WWOX: variants seen among roughly 807,000 people sequenced by gnomAD.
WWOX encodes the protein WW domain-containing oxidoreductase.
In WWOX, 69 loss-of-function variants were observed where a neutral mutation model predicts 46.2. The ratio of observed to expected loss-of-function variants is 1.49; its 90% CI spans 1.23 to 1.82. WWOX has a LOEUF of 1.82. WWOX is among the 40% of genes most tolerant of loss of function. The pLI is 0.00. For synonymous variants in WWOX, 359 were observed against 202.6 expected, an observed-to-expected ratio of 1.77 and a Z score of -6.56; for missense variants, 919 against 542.6, an observed-to-expected ratio of 1.69 and a Z score of -6.89.
At chr16:78,785,422 G>A (rs902824384) in intron 8 of WWOX, among the ~76,000 whole-genome samples, 4 of 152,194 alleles carry the variant, frequency 2.6e-5, no homozygotes, top group Non-Finnish European at 4.4e-5. Flanking sequence ...CACATCGGCA[G>A]CCAGTGGTGT....
At chr16:79,078,786 C>A (rs545645153) in intron 8 of WWOX, among the ~76,000 whole-genome samples, 2 of 152,180 alleles carry the variant, frequency 1.3e-5, no homozygotes, top group African/African-American at 2.4e-5. Flanking sequence ...CTTCTCTTGG[C>A]CTTTATTTCT....
chr16:78,374,432 C>G (rs2081766740), intron 5 of WWOX, among the ~76,000 whole-genome samples: 2 of 151,198 alleles, frequency 1.3e-5, no homozygotes, highest in African/African-American at 2.4e-5. Flanking sequence ...TTTATTTGGT[C>G]CTGTAGCTAC....
At chr16:78,571,741 G>A (rs539629945) in intron 8 of WWOX, among the ~76,000 whole-genome samples, 5 of 152,234 alleles carry the variant, frequency 3.3e-5, no homozygotes, top group Non-Finnish European at 7.4e-5. Flanking sequence ...GGTGGTATGT[G>A]ACTGCAATCC....
intron 6 of WWOX, among the ~76,000 whole-genome samples, chr16:78,408,725 T>C (rs1166789644): frequency 3.9e-5 from 6 of 152,144 alleles, no homozygotes; most frequent in Admixed American, 6.5e-5. Flanking sequence ...ATACAGCTAA[T>C]TTGCAGATAA....
intron 8 of WWOX, among the ~76,000 whole-genome samples, chr16:78,607,133 A>C (rs2045778674): frequency 6.6e-6 from 1 of 152,180 alleles, no homozygotes; most frequent in Non-Finnish European, 1.5e-5. Context: ...GATTTTATTA[A>C]TTAGTTAAAA....
At chr16:79,185,474 T>G (rs562361812) in intron 8 of WWOX, among the ~76,000 whole-genome samples, 6 of 138,644 alleles carry the variant, frequency 4.3e-5, no homozygotes, top group African/African-American at 1.6e-4. Flanking sequence ...GACATATTAC[T>G]TGTTAGTTAA....
At chr16:78,392,728 T>G (rs2082202448) in intron 6 of WWOX, among the ~76,000 whole-genome samples, 1 of 152,172 alleles carries the variant, frequency 6.6e-6, no homozygotes, top group Non-Finnish European at 1.5e-5. Flanking sequence ...GTGTTTAATG[T>G]TTTCGTAAGA....
intron 8 of WWOX, among the ~76,000 whole-genome samples, chr16:78,769,009 A>G (rs569563969): frequency 3.6e-4 from 55 of 152,212 alleles, no homozygotes; most frequent in African/African-American, 1.3e-3. Context: ...TTCCTTTTTC[A>G]GTCTCTGGTC....
At chr16:78,291,253 C>T (rs1026082187) in intron 5 of WWOX, among the ~76,000 whole-genome samples, 1 of 152,118 alleles carries the variant, frequency 6.6e-6, no homozygotes, top group Non-Finnish European at 1.5e-5. Flanking sequence ...TCATTCTGAT[C>T]TCTCTTTTGA....
rs1363439706 is a variant in WWOX, at chr16:78,729,808, A to C, written c.1056+297056A>C. ...AGGGTCAGAAACAGGATTTGAACCT[A>C]CAGTTTTGAGGCCTGAACCTGCTAT... is the stretch of plus-strand genomic sequence containing the variant. On this transcript the variant is annotated intron_variant, in intron 8 of 8. Transcript: ENST00000566780. 6.6e-5 allele frequency among the ~76,000 whole-genome samples: 10 copies of C among 152,322 alleles called. No individual in the cohort carries two copies. In the East Asian group the frequency reaches 1.7e-3, roughly 26 times the overall value.
At chr16:79,057,982 T>C (rs1350532010) in intron 8 of WWOX, among the ~76,000 whole-genome samples, 12 of 152,206 alleles carry the variant, frequency 7.9e-5, no homozygotes, top group Admixed American at 7.9e-4. Flanking sequence ...CGGGCTCTTA[T>C]TCAAGCTCAC....
intron 8 of WWOX, chr16:78,996,262 C>A (rs770263907): frequency 6.1e-6 from 6 of 984,720 alleles, no homozygotes; most frequent in African/African-American, 5.3e-5. Context: ...CTGAGCCAGA[C>A]CCCTTTTCAG....
intron 8 of WWOX, among the ~76,000 whole-genome samples, chr16:78,603,408 T>A (rs1003189770): frequency 4.6e-5 from 7 of 152,104 alleles, no homozygotes; most frequent in Non-Finnish European, 7.4e-5. Flanking sequence ...TAAAAAACTA[T>A]ATCCTGCTGG....
chr16:78,500,181 A>G (rs1345985144), intron 8 of WWOX, among the ~76,000 whole-genome samples: 3 of 152,144 alleles, frequency 2.0e-5, no homozygotes, highest in African/African-American at 4.8e-5. Flanking sequence ...TGCCAGTCCT[A>G]CGGTCAATGC....
chr16:78,923,757 A>G (rs960808120), intron 8 of WWOX, among the ~76,000 whole-genome samples: 6 of 146,424 alleles, frequency 4.1e-5, no homozygotes, highest in African/African-American at 7.6e-5. Context: ...TTCACAAGTG[A>G]TGATCTGGGT....
At chr16:78,626,604 C>G (rs904674695) in intron 8 of WWOX, among the ~76,000 whole-genome samples, 1 of 152,142 alleles carries the variant, frequency 6.6e-6, no homozygotes, top group Non-Finnish European at 1.5e-5. Flanking sequence ...AGGTAGTGTT[C>G]ATTAGGTTTC....
intron 8 of WWOX, among the ~76,000 whole-genome samples, chr16:78,819,060 C>T (rs1184727762): frequency 6.6e-6 from 1 of 152,198 alleles, no homozygotes; most frequent in Non-Finnish European, 1.5e-5. Context: ...AAGCACTTAG[C>T]ACATGAGCAG....
intron 8 of WWOX, among the ~76,000 whole-genome samples, chr16:78,923,435 T>C (rs938626924): frequency 1.3e-5 from 2 of 152,200 alleles, no homozygotes; most frequent in African/African-American, 4.8e-5. Flanking sequence ...GCCTGCTATT[T>C]TTTGAGCCTA....
chr16:78,585,126 T>G (rs2045163530), intron 8 of WWOX, among the ~76,000 whole-genome samples: 1 of 152,240 alleles, frequency 6.6e-6, no homozygotes, highest in South Asian at 2.1e-4. Context: ...CATGTCCGTG[T>G]GAACTAAATT....
Sources: allele counts gnomAD v4.1 joint callset (sites outside exome capture counted in the v4.1 genomes callset), GRCh38; gene constraint gnomAD v4.1.1; transcripts MANE v1.5; gene names NCBI Gene and HGNC (gene_info 2026-07-23, HGNC 2026-07-21).